NISCH: variants seen among roughly 807,000 people sequenced by gnomAD.
The protein encoded by NISCH is I-1 receptor candidate protein.
Under a neutral mutation model 138.4 loss-of-function variants are expected in NISCH, and 55 were observed. The ratio of observed to expected loss-of-function variants is 0.40; its 90% CI spans 0.32 to 0.50. The LOEUF (loss-of-function observed/expected upper bound fraction) is 0.50, where lower values mean the gene tolerates loss of function less well. Ranked by LOEUF, NISCH falls within the 20% of genes least tolerant of loss-of-function variation. The pLI is 0.71. For synonymous variants in NISCH, 860 were observed against 861.5 expected, an observed-to-expected ratio of 1.00 and a Z score of 0.03; for missense variants, 1,643 against 2,005.5, an observed-to-expected ratio of 0.82 and a Z score of 3.45.
intron 3 of NISCH, among the ~76,000 whole-genome samples, chr3:52,459,368 T>G (rs1305930808): frequency 6.6e-6 from 1 of 152,128 alleles, no homozygotes. Flanking sequence ...AGGAACAACT[T>G]TCATAGGTTG....
intron 3 of NISCH, among the ~76,000 whole-genome samples, chr3:52,466,999 CT>C (rs11457136): frequency 2.2e-4 from 27 of 122,752 alleles, no homozygotes; most frequent in South Asian, 5.2e-4. Flanking sequence ...GTTTCTTTTT[CT>C]TTTTTTTTTT....
Position 52,490,188 on chromosome 3 carries a change from G to T in NISCH, c.3570G>T (p.Val1190=), listed in dbSNP as rs150948031. The change falls in exon 18 of 21, where the codon GTG becomes GTT. Residue 1190 remains valine (V), a synonymous_variant. Transcript: ENST00000345716. ...VLLSTKAVYF[V]LHDGLRRYFS... ...TCTCCACCAAGGCTGTGTACTTTGTGCTCCACGACGGCCTCCGCCGCTACT... is the reference window on the plus strand; with the variant it reads ...TCTCCACCAAGGCTGTGTACTTTGTTCTCCACGACGGCCTCCGCCGCTACT... 4 of 1,613,204 alleles carry T rather than the reference G, an allele frequency of 2.5e-6. No individual in the cohort carries two copies. Among genetic ancestry groups the T allele is most frequent in the African/African-American group, 2.7e-5 (2 of 74,944 alleles).
In NISCH at chr3:52,488,549, G is replaced by A. The variant is rs374429650; in HGVS notation, c.3057G>A (p.Thr1019=). 4.2e-5 allele frequency: 67 copies of A among 1,612,912 alleles called. No homozygotes were observed. The African/African-American group carries it at 4.5e-4, about 11-fold the overall frequency. ...KTVVIAKTPG[T]GGSPQGSFAD... is the part of the protein sequence containing the mutation. ...TGGTCATCGCCAAGACCCCCGGGAC[G>A]GGAGGCAGCCCCCAGGGCTCCTTTG... is the stretch of plus-strand genomic sequence containing the variant. The change falls in exon 16 of 21, where the codon ACG becomes ACA. Residue 1019 remains threonine (T), a synonymous_variant. Coordinates refer to ENST00000345716, the MANE Select transcript of NISCH (RefSeq NM_007184.4).
In NISCH at chr3:52,478,135, C is replaced by A. The variant is rs750803753; in HGVS notation, c.1026C>A (p.Asn342Lys). 1 of 1,614,122 alleles carries A rather than the reference C, an allele frequency of 6.2e-7. No individual in the cohort carries two copies. The highest frequency in any genetic ancestry group is 1.1e-5 in the South Asian group (1 of 91,078). Residue 342 changes from asparagine (N) to lysine (K), a missense_variant, in exon 10 of 21, where the codon AAC becomes AAA. Physicochemically the swap from Asn to Lys is moderately conservative, Grantham distance 94. Transcript: ENST00000345716. Reference sequence around the variant, plus strand: ...TTGTGCATCTGGACCTGTCCTACAACAAGCTCTCCTCCTTGGAAGGGCTTC... The same window carrying A: ...TTGTGCATCTGGACCTGTCCTACAAAAAGCTCTCCTCCTTGGAAGGGCTTC... Reference protein sequence around the residue: ...YNLVHLDLSYNKLSSLEGLHT... With the variant: ...YNLVHLDLSYKKLSSLEGLHT...
rs769275195 is a variant in NISCH, at chr3:52,492,429, C to T, written c.4462C>T (p.Arg1488Cys). ...AGAGAAGCTCATCTCGCTGTTGGCT[C>T]GCCAGTGGGAGGCCCTGTGTGGCCG... ...SREKLISLLA[R>C]QWEALCGREL... Residue 1488 changes from arginine (R) to cysteine (C), a missense_variant, in exon 21 of 21, where the codon CGC (arginine) becomes TGC (cysteine). Physicochemically the swap from Arg to Cys is radical, Grantham distance 180 (BLOSUM62 -3). Coordinates refer to ENST00000345716, the MANE Select transcript of NISCH (RefSeq NM_007184.4). 3.1e-6 allele frequency: 5 copies of T among 1,612,170 alleles called. No individual in the cohort carries two copies. The highest frequency in any genetic ancestry group is 1.3e-5 in the African/African-American group (1 of 75,050).
chr3:52,466,876 A>G (rs1706794836), intron 3 of NISCH, among the ~76,000 whole-genome samples: 1 of 152,180 alleles, frequency 6.6e-6, no homozygotes, highest in Non-Finnish European at 1.5e-5. Flanking sequence ...GCCCACGGCT[A>G]CACACCAACA....
chr3:52,471,678 A>G (rs1706951390), intron 4 of NISCH, 136 bp from the exon 5 acceptor site: 2 of 970,922 alleles, frequency 2.1e-6, no homozygotes, highest in East Asian at 2.6e-5. Context: ...CAGCTCCTGC[A>G]TGCCCAGGGC....
intron 3 of NISCH, among the ~76,000 whole-genome samples, chr3:52,469,259 C>T (rs1706872650): frequency 6.6e-6 from 1 of 152,040 alleles, no homozygotes; most frequent in Non-Finnish European, 1.5e-5. Flanking sequence ...GTTAAAATTC[C>T]TACCTGTGGG....
intron 13 of NISCH, chr3:52,480,937 C>G: frequency 6.5e-7 from 1 of 1,529,562 alleles, no homozygotes; most frequent in South Asian, 1.2e-5. Flanking sequence ...TGGCCCGGCC[C>G]CCACGGAAGA....
intron 13 of NISCH, among the ~76,000 whole-genome samples, chr3:52,482,791 A>T (rs1317990486): frequency 6.6e-6 from 1 of 152,134 alleles, no homozygotes; most frequent in African/African-American, 2.4e-5. Flanking sequence ...GGCATGCATG[A>T]GCGAATGCTG....
rs1332661148 is a variant in NISCH, at chr3:52,473,905, A to G, written c.765+76A>G. 1.2e-5 allele frequency: 11 copies of G among 931,274 alleles called. No homozygotes were observed. In the East Asian group the frequency reaches 1.6e-4, roughly 13 times the overall value. 57.7% of individuals were successfully genotyped at this position (931,274 alleles called of 1,614,324 possible). ...TGGGCTGTGGTCTCCACCACTAAGGATGGGTGAGGACACTGCTATGTCTAT... is the reference window on the plus strand; with the variant it reads ...TGGGCTGTGGTCTCCACCACTAAGGGTGGGTGAGGACACTGCTATGTCTAT... On this transcript the variant is annotated intron_variant, in intron 7 of 20. Coordinates refer to ENST00000345716, the MANE Select transcript of NISCH (RefSeq NM_007184.4).
intron 7 of NISCH, among the ~76,000 whole-genome samples, chr3:52,474,176 T>G (rs1707032257): frequency 6.6e-6 from 1 of 152,222 alleles, no homozygotes; most frequent in African/African-American, 2.4e-5. Context: ...TACAGTGGTA[T>G]GATCTCAGCT....
intron 7 of NISCH, chr3:52,476,242 G>A (rs1460295188): frequency 1.5e-5 from 9 of 590,502 alleles, no homozygotes; most frequent in Non-Finnish European, 2.4e-5. Flanking sequence ...TTAATTCTAA[G>A]TGGCTGTTAT....
In NISCH at chr3:52,489,385, C is replaced by T. The variant is rs775030131; in HGVS notation, c.3163C>T (p.Pro1055Ser). 5.6e-6 allele frequency: 9 copies of T among 1,611,416 alleles called. No individual in the cohort carries two copies. Among genetic ancestry groups the T allele is most frequent in the South Asian group, 1.1e-5 (1 of 91,018 alleles). Reference sequence around the variant, plus strand: ...CCCAGCAGAGGCTCTGGCCCCGGCCCCAGCGGAAGTCCCAGCTCCAGCCCC... The same window carrying T: ...CCCAGCAGAGGCTCTGGCCCCGGCCTCAGCGGAAGTCCCAGCTCCAGCCCC... ...EVPAEALAPA[P>S]AEVPAPAPAA... Residue 1055 changes from proline (P) to serine (S), a missense_variant, in exon 17 of 21, where the codon CCA becomes TCA. Pro to Ser is a moderately conservative substitution (Grantham distance 74, BLOSUM62 -1). Coordinates refer to ENST00000345716, the MANE Select transcript of NISCH (RefSeq NM_007184.4).
chr3:52,485,819 TG>T lies in NISCH; in HGVS notation c.1697del (p.Gly566ValfsTer41). 6.3e-7 allele frequency: 1 copy of T among 1,578,882 alleles called. No individual in the cohort carries two copies. The highest frequency in any genetic ancestry group is 8.6e-7 in the Non-Finnish European group (1 of 1,160,834). On this transcript the variant is annotated frameshift_variant, in exon 15 of 21. Coordinates refer to ENST00000345716, the MANE Select transcript of NISCH (RefSeq NM_007184.4). LOFTEE classifies it high-confidence loss of function. ...DLRDVPGAVG[G>X]ASPEHAEPEV... The stretch of plus-strand genomic sequence containing the variant: ...TAAGGGACGTGCCAGGAGCTGTTGG[TG>T]GTGCAAGGTAAGGAAGAGGTTGGAA...
Position 52,487,966 on chromosome 3 carries a change from A to G in NISCH, c.2474A>G (p.Tyr825Cys). 1.9e-6 allele frequency: 3 copies of G among 1,610,528 alleles called. No homozygotes were observed. Among genetic ancestry groups the G allele is most frequent in the Non-Finnish European group, 2.5e-6 (3 of 1,179,624 alleles). Residue 825 changes from tyrosine (Y) to cysteine (C), a missense_variant, in exon 16 of 21, where the codon TAC (tyrosine) becomes TGC (cysteine). By Grantham distance (194) the Tyr-to-Cys change is radical. Coordinates refer to ENST00000345716, the MANE Select transcript of NISCH (RefSeq NM_007184.4). The surrounding 1 kb of genome is among the most constrained non-coding windows in gnomAD (Gnocchi z 9.1). ...GCCATGCTGTGTAGCCCCATCCTCT[A>G]CGGCAGCCACACCAGCCTGCAGGAG... is the stretch of plus-strand genomic sequence containing the variant. ...HMAMLCSPIL[Y>C]GSHTSLQEFL...
chr3:52,481,283 G>GC, intron 13 of NISCH: 3 of 1,042,120 alleles, frequency 2.9e-6, no homozygotes, highest in Non-Finnish European at 3.5e-6. Flanking sequence ...GGAAGACTGG[G>GC]CAGGAAGAGG....
chr3:52,473,977 G>C lies in NISCH; in HGVS notation c.765+148G>C, dbSNP rs1707026219. 1.9e-5 allele frequency: 9 copies of C among 479,120 alleles called. No individual in the cohort carries two copies. The East Asian group carries it at 2.8e-4, about 15-fold the overall frequency. 29.7% of individuals were successfully genotyped at this position (479,120 alleles called of 1,614,324 possible). A position where few individuals can be genotyped will look rare whatever the true frequency, so the allele number is the denominator to read the frequency against. ...TCTGTGGGGTAGGCAGACACTCATGGGGGGCCTCCCAGCACTTGACAGCCC... is the reference window on the plus strand; with the variant it reads ...TCTGTGGGGTAGGCAGACACTCATGCGGGGCCTCCCAGCACTTGACAGCCC... On this transcript the variant is annotated intron_variant, in intron 7 of 20. Transcript: ENST00000345716.
intron 13 of NISCH, among the ~76,000 whole-genome samples, chr3:52,483,494 G>A (rs1038564348): frequency 6.6e-6 from 1 of 152,242 alleles, no homozygotes; most frequent in Non-Finnish European, 1.5e-5. Context: ...CTGAGGTGGA[G>A]TAACAGGTCC....
Sources: gnomAD v4.1 joint callset for allele counts (sites outside exome capture counted in the v4.1 genomes callset) on GRCh38, gnomAD v4.1.1 for gene constraint, Gnocchi (gnomAD v3.1) non-coding constraint, MANE v1.5 for transcripts, NCBI Gene and HGNC (gene_info 2026-07-23, HGNC 2026-07-21) for gene names.